Variants in PKHD1 observed in about 807,000 individuals in gnomAD.
PKHD1 encodes the protein fibrocystin.
A neutral mutation model predicts 412.0 loss-of-function variants in PKHD1; 291 were observed. The ratio of observed to expected loss-of-function variants is 0.71; its 90% CI spans 0.64 to 0.78. PKHD1 has a LOEUF of 0.78. Among genes scored for constraint, PKHD1 ranks in the 30% least tolerant of loss-of-function variants. The pLI is 0.00. For synonymous variants in PKHD1, 1,777 were observed against 1,821.5 expected, an observed-to-expected ratio of 0.98 and a Z score of 0.62; for missense variants, 4,825 against 4,950.7, an observed-to-expected ratio of 0.97 and a Z score of 0.76.
chr6:51,972,540 C>T, intron 35 of PKHD1, among the ~76,000 whole-genome samples: 1 of 152,218 alleles, frequency 6.6e-6, no homozygotes, highest in Non-Finnish European at 1.5e-5. Context: ...CTTGCCTATG[C>T]AATCTGATGC....
chr6:51,770,480 A>G (rs762917306), intron 55 of PKHD1, among the ~76,000 whole-genome samples: 27 of 69,310 alleles, frequency 3.9e-4, no homozygotes, highest in Non-Finnish European at 9.0e-4. Flanking sequence ...AAAAAGTTAT[A>G]ATTATATTTT....
At chr6:52,070,516 T>C (rs1810449405) in intron 9 of PKHD1, 71 bp from the exon 10 acceptor site, 1 of 1,175,396 alleles carries the variant, frequency 8.5e-7, no homozygotes, top group East Asian at 2.3e-5. Context: ...ATTGCTTTCA[T>C]AAGCCCAAAG....
At chr6:52,046,462 C>T (rs1805856793) in intron 23 of PKHD1, among the ~76,000 whole-genome samples, 1 of 152,174 alleles carries the variant, frequency 6.6e-6, no homozygotes, top group Non-Finnish European at 1.5e-5. Context: ...TCAGATAAAA[C>T]CATCTCAACT....
At chr6:51,764,742 T>C (rs1788687693) in intron 55 of PKHD1, among the ~76,000 whole-genome samples, 1 of 152,098 alleles carries the variant, frequency 6.6e-6, no homozygotes, top group Admixed American at 6.6e-5. Context: ...AACCAACTCC[T>C]TGGAACCCTG....
intron 43 of PKHD1, among the ~76,000 whole-genome samples, chr6:51,902,049 G>A (rs773394384): frequency 8.5e-5 from 13 of 152,232 alleles, no homozygotes; most frequent in Non-Finnish European, 1.5e-4. Flanking sequence ...CCAGCACTCC[G>A]TCCAGCAGAC....
chr6:51,991,130 G>A (rs571768893), intron 35 of PKHD1, among the ~76,000 whole-genome samples: 31 of 148,386 alleles, frequency 2.1e-4, no homozygotes, highest in African/African-American at 6.8e-4. Context: ...CATCTTTACT[G>A]CCACTTTTTC....
rs1215763209 is a variant in PKHD1 at position 51,618,426 on chromosome 6, T to A, written c.*655A>T. On this transcript the variant is annotated 3_prime_UTR_variant, in exon 67 of 67. Coordinates refer to ENST00000371117, the MANE Select transcript of PKHD1 (RefSeq NM_138694.4). ...TTAACTAAACTCTCAGCAAAGCCCA[T>A]GAGAATATCAATTTTCATGTGTAAA... is the stretch of plus-strand genomic sequence containing the variant. 6.5e-6 allele frequency: 1 copy of A among 153,534 alleles called. No homozygotes were observed. The highest frequency in any genetic ancestry group is 6.4e-5 in the Admixed American group (1 of 15,598). 9.5% of individuals were successfully genotyped at this position (153,534 alleles called of 1,614,324 possible). A position where few individuals can be genotyped will look rare whatever the true frequency, so the allele number is the denominator to read the frequency against.
chr6:52,051,119 C>G (rs1806776677), intron 21 of PKHD1, among the ~76,000 whole-genome samples: 1 of 152,192 alleles, frequency 6.6e-6, no homozygotes, highest in Non-Finnish European at 1.5e-5. Context: ...ATTACTTGCT[C>G]AGCTGGGTAG....
chr6:52,045,293 T>C (rs918965402), intron 24 of PKHD1, among the ~76,000 whole-genome samples: 9 of 152,246 alleles, frequency 5.9e-5, no homozygotes, highest in African/African-American at 2.2e-4. Context: ...AAATATTCAT[T>C]TGCAAGTGGA....
At chr6:51,984,759 A>C (rs1335756964) in intron 35 of PKHD1, among the ~76,000 whole-genome samples, 1 of 152,254 alleles carries the variant, frequency 6.6e-6, no homozygotes, top group African/African-American at 2.4e-5. Context: ...GAATGCCTCT[A>C]AGGAATGGAG....
intron 52 of PKHD1, among the ~76,000 whole-genome samples, chr6:51,818,999 A>G (rs1266899369): frequency 6.6e-6 from 1 of 152,218 alleles, no homozygotes; most frequent in Admixed American, 6.5e-5. Flanking sequence ...AATAATTTTC[A>G]GGGTTTTTTT....
At chr6:51,806,136 A>G (rs1262709583) in intron 52 of PKHD1, among the ~76,000 whole-genome samples, 2 of 152,086 alleles carry the variant, frequency 1.3e-5, no homozygotes, top group African/African-American at 2.4e-5. Context: ...TGACGAGTTA[A>G]TGGGTGCAGC....
At chr6:51,958,688 T>C (rs1013962633) in intron 36 of PKHD1, among the ~76,000 whole-genome samples, 1 of 152,108 alleles carries the variant, frequency 6.6e-6, no homozygotes, top group Non-Finnish European at 1.5e-5. Flanking sequence ...GAGAAAGCCC[T>C]GGTTAAAGGC....
At chr6:51,942,153 AC>A (rs1788693818) in intron 36 of PKHD1, among the ~76,000 whole-genome samples, 1 of 150,284 alleles carries the variant, frequency 6.7e-6, no homozygotes, top group Non-Finnish European at 1.5e-5. Context: ...TCCTTTCCCC[AC>A]TCCTCTTTCC....
chr6:51,783,785 T>C (rs1200738244), intron 53 of PKHD1, among the ~76,000 whole-genome samples: 1 of 152,192 alleles, frequency 6.6e-6, no homozygotes, highest in Non-Finnish European at 1.5e-5. Flanking sequence ...TCTAACAGAT[T>C]GTAAAAATGA....
intron 50 of PKHD1, among the ~76,000 whole-genome samples, chr6:51,846,597 T>C (rs1771203865): frequency 1.3e-5 from 2 of 152,118 alleles, no homozygotes; most frequent in South Asian, 4.1e-4. Flanking sequence ...GAATATGAAA[T>C]AAACTCCAGG....
At chr6:51,989,917 A>AGGG (rs1562072557) in intron 35 of PKHD1, among the ~76,000 whole-genome samples, 4 of 101,416 alleles carry the variant, frequency 3.9e-5, no homozygotes, top group African/African-American at 1.5e-4. Context: ...GGAAGGAAGG[A>AGGG]AGGAAGGAAG....
intron 61 of PKHD1, among the ~76,000 whole-genome samples, chr6:51,657,722 A>G (rs1772118821): frequency 6.6e-6 from 1 of 152,052 alleles, no homozygotes. Context: ...GTGTGTATAT[A>G]TCTAAACTTG....
At chr6:51,859,525 CA>C (rs10638642) in intron 48 of PKHD1, among the ~76,000 whole-genome samples, 1,155 of 114,638 alleles carry the variant, frequency 0.01, 20 homozygotes, top group African/African-American at 0.035. Context: ...GATTCCGTCC[CA>C]AAAAAAAAAA....
Sources: allele counts gnomAD v4.1 joint callset (sites outside exome capture counted in the v4.1 genomes callset), GRCh38; gene constraint gnomAD v4.1.1; transcripts MANE v1.5; gene names NCBI Gene and HGNC (gene_info 2026-07-23, HGNC 2026-07-21).